LEPR: variants seen among roughly 807,000 people sequenced by gnomAD.
The protein encoded by LEPR is leptin receptor.
In LEPR, 56 loss-of-function variants were observed where a neutral mutation model predicts 114.7. The observed-to-expected ratio is 0.49, with a 90% CI of 0.39 to 0.61. LEPR has a LOEUF of 0.61. Among genes scored for constraint, LEPR ranks in the 20% least tolerant of loss-of-function variants. The probability of loss-of-function intolerance (pLI) is 0.00; values close to 1 mark genes in which losing one functional copy is unlikely to be tolerated. For synonymous variants in LEPR, 443 were observed against 461.4 expected (o/e 0.96, Z 0.51); for missense variants, 1,202 against 1,352.9 (o/e 0.89, Z 1.75).
At chr1:65,546,515 G>T (rs994116023) in intron 2 of LEPR, among the ~76,000 whole-genome samples, 1 of 152,058 alleles carries the variant, frequency 6.6e-6, no homozygotes, top group African/African-American at 2.4e-5. Flanking sequence ...CCTTGAAGAG[G>T]TCCTTCACAT....
chr1:65,579,271 T>G (rs1224508800), intron 5 of LEPR, among the ~76,000 whole-genome samples: 1 of 152,200 alleles, frequency 6.6e-6, no homozygotes, highest in African/African-American at 2.4e-5. Context: ...GGTGGAAGAC[T>G]AATGGATAAT....
intron 2 of LEPR, among the ~76,000 whole-genome samples, chr1:65,439,665 A>C (rs1646621209): frequency 6.6e-6 from 1 of 152,018 alleles, no homozygotes; most frequent in African/African-American, 2.4e-5. Context: ...AAAAATACAA[A>C]AAATTAGCTG....
chr1:65,502,367 A>G (rs1192405060), intron 2 of LEPR, among the ~76,000 whole-genome samples: 4 of 152,110 alleles, frequency 2.6e-5, no homozygotes, highest in Non-Finnish European at 4.4e-5. Flanking sequence ...TGGCACCTTG[A>G]TCTTGGACTT....
intron 5 of LEPR, 61 bp from the exon 6 acceptor site, chr1:65,592,596 T>C: frequency 3.2e-6 from 5 of 1,579,340 alleles, no homozygotes; most frequent in Non-Finnish European, 4.3e-6. Flanking sequence ...TATCCTGCTT[T>C]AAAAGCCTAT....
At chr1:65,595,942 G>C (rs902401667) in intron 6 of LEPR, among the ~76,000 whole-genome samples, 8 of 152,078 alleles carry the variant, frequency 5.3e-5, no homozygotes, top group Non-Finnish European at 8.8e-5. Flanking sequence ...TATTGCATGG[G>C]AATATTTATG....
chr1:65,511,548 C>G (rs1649038662), intron 2 of LEPR, among the ~76,000 whole-genome samples: 1 of 152,042 alleles, frequency 6.6e-6, no homozygotes, highest in Non-Finnish European at 1.5e-5. Flanking sequence ...TGTGTATTCA[C>G]AAAACATTTT....
At chr1:65,542,923 TGTG>T (rs1256185765) in intron 2 of LEPR, among the ~76,000 whole-genome samples, 1 of 151,676 alleles carries the variant, frequency 6.6e-6, no homozygotes, top group Admixed American at 6.6e-5. Context: ...GCAATAAACA[TGTG>T]TGCATGTGTC....
At chr1:65,556,007 A>T (rs1047852049) in intron 2 of LEPR, among the ~76,000 whole-genome samples, 1 of 152,164 alleles carries the variant, frequency 6.6e-6, no homozygotes, top group Admixed American at 6.5e-5. Flanking sequence ...CAGAATTCAT[A>T]TGTTGAAACC....
intron 1 of LEPR, chr1:65,421,548 C>A (rs1646251181): frequency 2.8e-6 from 4 of 1,424,096 alleles, no homozygotes; most frequent in Non-Finnish European, 3.8e-6. Flanking sequence ...AAATTTGCAC[C>A]CAAAGATATC....
chr1:65,502,694 G>T lies in LEPR; in HGVS notation c.-20-62852G>T, dbSNP rs917908868. Among the ~76,000 whole-genome samples the T allele has an allele frequency of 1.6e-4, 25 of 152,232 alleles. 1 individual carries two copies. The East Asian group carries it at 4.6e-3, about 28-fold the overall frequency. On this transcript the variant is annotated intron_variant, in intron 2 of 19. Coordinates refer to ENST00000349533, the MANE Select transcript of LEPR (RefSeq NM_002303.6). ...ATAGTTATGAAGCCTTCATTGTGAG[G>T]CTGAAATTTTAACAAATATCTGAAT...
chr1:65,619,568 G>A (rs138766764), intron 16 of LEPR, among the ~76,000 whole-genome samples: 10 of 152,212 alleles, frequency 6.6e-5, no homozygotes, highest in African/African-American at 2.4e-4. Flanking sequence ...GCCCACTTTG[G>A]GGGTAAGGGA....
chr1:65,540,755 C>T (rs1228080514), intron 2 of LEPR, among the ~76,000 whole-genome samples: 1 of 152,166 alleles, frequency 6.6e-6, no homozygotes, highest in Non-Finnish European at 1.5e-5. Context: ...CTCTCTCATT[C>T]ACTCTTGTAG....
intron 2 of LEPR, chr1:65,433,069 C>CGAGCCAGCCCCT (rs1405573053): frequency 1.0e-6 from 1 of 985,240 alleles, no homozygotes; most frequent in East Asian, 1.1e-4. Context: ...AGGCTGGGCT[C>CGAGCCAGCCCCT]GAGCCAGCCC....
intron 2 of LEPR, among the ~76,000 whole-genome samples, chr1:65,442,605 A>G (rs1646663590): frequency 6.6e-6 from 1 of 152,186 alleles, no homozygotes; most frequent in African/African-American, 2.4e-5. Context: ...GACTCTTTTC[A>G]TCAACAGCTG....
At chr1:65,540,983 C>T (rs1399369016) in intron 2 of LEPR, among the ~76,000 whole-genome samples, 1 of 152,080 alleles carries the variant, frequency 6.6e-6, no homozygotes, top group East Asian at 1.9e-4. Context: ...AGGCATACGC[C>T]ACCATGCATG....
At chr1:65,466,833 T>A (rs1372762870) in intron 2 of LEPR, among the ~76,000 whole-genome samples, 1 of 152,220 alleles carries the variant, frequency 6.6e-6, no homozygotes, top group East Asian at 1.9e-4. Context: ...TTGAACCTTG[T>A]GCATGCATCA....
At chr1:65,469,766 C>T (rs993006535) in intron 2 of LEPR, among the ~76,000 whole-genome samples, 2 of 152,160 alleles carry the variant, frequency 1.3e-5, no homozygotes, top group African/African-American at 4.8e-5. Context: ...CCTATCTGGG[C>T]CCAGTCAACT....
intron 3 of LEPR, among the ~76,000 whole-genome samples, chr1:65,569,707 TAAAAAAA>T (rs199787348): frequency 1.1e-5 from 1 of 92,464 alleles, no homozygotes; most frequent in Non-Finnish European, 2.1e-5. Context: ...AATTCCATCT[TAAAAAAA>T]AAAAAAAAAA....
At chr1:65,485,554 A>G (rs1647443695) in intron 2 of LEPR, among the ~76,000 whole-genome samples, 1 of 152,112 alleles carries the variant, frequency 6.6e-6, no homozygotes, top group Admixed American at 6.6e-5. Flanking sequence ...TGGGGTTCAG[A>G]TGATCTTCAA....
Sources: gnomAD v4.1 joint callset for allele counts (sites outside exome capture counted in the v4.1 genomes callset) on GRCh38, gnomAD v4.1.1 for gene constraint, MANE v1.5 for transcripts, NCBI Gene and HGNC (gene_info 2026-07-23, HGNC 2026-07-21) for gene names.